The following ZNF618 variants were observed in gnomAD, a reference collection of about 807,000 sequenced individuals.
ZNF618 encodes neural precursor cell expressed, developmentally down-regulated 10.
A neutral mutation model predicts 103.0 loss-of-function variants in ZNF618; 34 were observed. The observed-to-expected ratio is 0.33, with a 90% confidence interval of 0.25 to 0.44. ZNF618 has a LOEUF of 0.44. Ranked by LOEUF, ZNF618 falls within the 20% of genes least tolerant of loss-of-function variation. The pLI is 1.00. For missense variants in ZNF618, 1,059 were observed against 1,295.4 expected (o/e 0.82, Z 2.80); for synonymous variants, 551 against 542.2 (o/e 1.02, Z -0.23).
intron 10 of ZNF618, chr9:114,028,000 T>A (rs1192260735): frequency 6.6e-6 from 1 of 152,122 alleles, no homozygotes; most frequent in African/African-American, 2.4e-5. Context: ...TGGCCACCAC[T>A]GCTAAGGGTT....
chr9:113,912,378 G>A (rs935912883), intron 1 of ZNF618, among the ~76,000 whole-genome samples: 2 of 152,170 alleles, frequency 1.3e-5, no homozygotes, highest in East Asian at 3.9e-4. Flanking sequence ...GGCAGCAGAC[G>A]TGTGCTTAGT....
At chr9:114,033,496 C>T (rs1023324191) in intron 12 of ZNF618, among the ~76,000 whole-genome samples, 10 of 152,058 alleles carry the variant, frequency 6.6e-5, no homozygotes. Flanking sequence ...TCCCTTCCAG[C>T]CCCTACCTGC....
chr9:113,940,122 C>CA (rs34493466), intron 1 of ZNF618, among the ~76,000 whole-genome samples: 7,723 of 149,616 alleles, frequency 0.052, 208 homozygotes, highest in Middle Eastern at 0.092. Context: ...TTTAATTTCT[C>CA]AAAAAAAAAA....
At chr9:113,961,575 T>C (rs1256493263) in intron 1 of ZNF618, among the ~76,000 whole-genome samples, 2 of 152,212 alleles carry the variant, frequency 1.3e-5, no homozygotes, top group Non-Finnish European at 2.9e-5. Flanking sequence ...TCCTCAAGCG[T>C]GGAACCTAGG....
Position 113,877,371 on chromosome 9 carries a change from T to A in ZNF618, c.33+958T>A, listed in dbSNP as rs374618286. On this transcript the variant is annotated intron_variant, in intron 1 of 14. Transcript: ENST00000374126. ...TTATGAAGCAATTAGAAATTGTACT[T>A]CATTGTAATTTGGAACTTGTTTAGC... 3.3e-5 allele frequency among the ~76,000 whole-genome samples: 5 copies of A among 152,166 alleles called. No individual in the cohort carries two copies. The East Asian group carries it at 9.6e-4, about 29-fold the overall frequency.
chr9:114,017,817 A>G (rs1007656582), intron 10 of ZNF618, among the ~76,000 whole-genome samples: 1 of 152,140 alleles, frequency 6.6e-6, no homozygotes, highest in Non-Finnish European at 1.5e-5. Context: ...CTGTTGGGAT[A>G]CCAAGGGTAT....
At chr9:113,978,512 G>T (rs961362591) in intron 2 of ZNF618, among the ~76,000 whole-genome samples, 7 of 152,186 alleles carry the variant, frequency 4.6e-5, no homozygotes, top group Admixed American at 2.0e-4. Flanking sequence ...TTTCATGTCG[G>T]TGTGACTTTT....
At chr9:113,925,125 G>A (rs944850538) in intron 1 of ZNF618, among the ~76,000 whole-genome samples, 1 of 151,994 alleles carries the variant, frequency 6.6e-6, no homozygotes, top group Admixed American at 6.6e-5. Flanking sequence ...GATATTGATG[G>A]TGGATTTGTC....
At chr9:114,010,370 G>A (rs910480071) in intron 9 of ZNF618, among the ~76,000 whole-genome samples, 6 of 151,536 alleles carry the variant, frequency 4.0e-5, no homozygotes, top group African/African-American at 1.5e-4. Flanking sequence ...AAGTTAGACG[G>A]TACAGGGGAA....
intron 1 of ZNF618, among the ~76,000 whole-genome samples, chr9:113,927,535 C>G (rs1316839770): frequency 1.3e-5 from 2 of 152,196 alleles, no homozygotes; most frequent in South Asian, 4.1e-4. Flanking sequence ...TGGGCCTGTG[C>G]CCCTGTGTCG....
chr9:113,888,528 T>C (rs1394662998), intron 1 of ZNF618, among the ~76,000 whole-genome samples: 1 of 152,264 alleles, frequency 6.6e-6, no homozygotes, highest in Non-Finnish European at 1.5e-5. Context: ...GAATGCAAAT[T>C]TATGCCCAGA....
In ZNF618 at chr9:114,050,392, T is replaced by TG. The variant is rs553955079; in HGVS notation, c.*232dup. 340 of 505,344 alleles carry TG rather than the reference T, an allele frequency of 6.7e-4. 9 individuals carry two copies. In the South Asian group the frequency reaches 8.2e-3, roughly 12 times the overall value. The allele number at this position is 505,344 out of a possible 1,614,324, so 31.3% of individuals were successfully genotyped here. Reference sequence around the variant, plus strand: ...AACACGTGCTGTGGTTGTGGGGGTGTGGGGGGGTCTCTGTGCTCATCTCCA... The same window carrying TG: ...AACACGTGCTGTGGTTGTGGGGGTGTGGGGGGGGTCTCTGTGCTCATCTCCA... On this transcript the variant is annotated 3_prime_UTR_variant, in exon 15 of 15. Transcript: ENST00000374126.
intron 1 of ZNF618, among the ~76,000 whole-genome samples, chr9:113,884,774 C>CACAGAGAGAG (rs1205428615): frequency 6.9e-4 from 98 of 142,276 alleles, no homozygotes; most frequent in Middle Eastern, 3.5e-3. Context: ...CACAAACACA[C>CACAGAGAGAG]AGAGAGAGAG....
rs972522510 is a variant in ZNF618 at position 114,051,565 on chromosome 9, C to G, written c.*1398C>G. ...CCACACCTCAGACCTGCCACAGCCT[C>G]TCCTCACTTCCCAGGACCCTGAGGC... On this transcript the variant is annotated 3_prime_UTR_variant, in exon 15 of 15. Transcript: ENST00000374126. 6 of 152,934 alleles carry G rather than the reference C, an allele frequency of 3.9e-5. No homozygotes were observed. The highest frequency in any genetic ancestry group is 7.3e-5 in the Non-Finnish European group (5 of 68,318). The allele number at this position is 152,934 out of a possible 1,614,324, so 9.5% of individuals were successfully genotyped here. A position where few individuals can be genotyped will look rare whatever the true frequency, so the allele number is the denominator to read the frequency against.
intron 2 of ZNF618, among the ~76,000 whole-genome samples, chr9:113,974,206 G>A (rs960122312): frequency 9.2e-5 from 14 of 152,250 alleles, no homozygotes; most frequent in African/African-American, 2.7e-4. Flanking sequence ...CGGAGACAGT[G>A]TTGCCTCTCT....
intron 1 of ZNF618, among the ~76,000 whole-genome samples, chr9:113,878,605 A>G (rs553440834): frequency 3.3e-5 from 5 of 152,222 alleles, no homozygotes; most frequent in Non-Finnish European, 7.3e-5. Flanking sequence ...ATCTAATTGA[A>G]CTTGCTGGGG....
intron 13 of ZNF618, among the ~76,000 whole-genome samples, chr9:114,037,218 T>C (rs531187355): frequency 2.2e-4 from 33 of 152,298 alleles, no homozygotes; most frequent in African/African-American, 7.5e-4. Flanking sequence ...GCACATGATC[T>C]AGTTGGGTGG....
At chr9:114,000,741 C>T (rs1266606073) in intron 4 of ZNF618, among the ~76,000 whole-genome samples, 2 of 152,260 alleles carry the variant, frequency 1.3e-5, no homozygotes, top group South Asian at 2.1e-4. Context: ...TTCACCTGCA[C>T]GGAGGGGCTG....
chr9:113,962,585 A>G (rs1836955098), intron 1 of ZNF618, among the ~76,000 whole-genome samples: 1 of 152,150 alleles, frequency 6.6e-6, no homozygotes, highest in Non-Finnish European at 1.5e-5. Context: ...AGGTATCCTG[A>G]CATTCTTGCT....
Sources: allele counts gnomAD v4.1 joint callset (sites outside exome capture counted in the v4.1 genomes callset), GRCh38; gene constraint gnomAD v4.1.1; transcripts MANE v1.5; gene names NCBI Gene and HGNC (gene_info 2026-07-23, HGNC 2026-07-21).